Variants in PACRG observed in about 807,000 individuals in gnomAD.
PACRG encodes the protein parkin coregulated, also known as parkin coregulated gene protein.
Under a neutral mutation model 29.7 loss-of-function variants are expected in PACRG, and 29 were observed. That is an observed-to-expected ratio of 0.98 (90% confidence interval 0.73 to 1.33). The LOEUF (loss-of-function observed/expected upper bound fraction) is 1.33. PACRG is among the 40% of genes most tolerant of loss of function. The probability of loss-of-function intolerance (pLI) is 0.00; values close to 1 mark genes in which losing one functional copy is unlikely to be tolerated. For synonymous variants in PACRG, 116 were observed against 118.7 expected (o/e 0.98, Z 0.15); for missense variants, 279 against 316.2 (o/e 0.88, Z 0.89).
rs571635852 is a variant in PACRG, at chr6:162,816,438, C to T, written c.291+2157C>T. 9.7e-4 allele frequency among the ~76,000 whole-genome samples: 147 copies of T among 152,292 alleles called. 1 individual carries two copies. The highest frequency in any genetic ancestry group is 1.9e-3 in the Non-Finnish European group (129 of 68,028). On this transcript the variant is annotated intron_variant, in intron 2 of 4. Coordinates refer to ENST00000366888, the MANE Select transcript of PACRG (RefSeq NM_001080379.2). ...CACGATCTTGGCTCACTGCAACCTC[C>T]GCCTCCTGGGTTCACGCCATTCTCC...
chr6:163,250,442 G>A (rs949684477), intron 4 of PACRG, among the ~76,000 whole-genome samples: 2 of 152,184 alleles, frequency 1.3e-5, no homozygotes, highest in Non-Finnish European at 2.9e-5. Context: ...AGAAAGCATT[G>A]CATTTTACTA....
chr6:162,755,406 TTCCTCC>T (rs1045450316), intron 1 of PACRG, among the ~76,000 whole-genome samples: 1 of 151,952 alleles, frequency 6.6e-6, no homozygotes, highest in African/African-American at 2.4e-5. Context: ...CTTTTTCTTC[TTCCTCC>T]TCCTCCTCCT....
intron 1 of PACRG, among the ~76,000 whole-genome samples, chr6:162,756,825 G>A (rs1336237941): frequency 2.0e-5 from 3 of 151,936 alleles, no homozygotes; most frequent in Non-Finnish European, 4.4e-5. Context: ...TATTTGCTTC[G>A]TAGTCACCAT....
intron 2 of PACRG, among the ~76,000 whole-genome samples, chr6:162,940,113 A>G (rs1478151402): frequency 6.6e-6 from 1 of 152,206 alleles, no homozygotes; most frequent in Non-Finnish European, 1.5e-5. Flanking sequence ...TCATAAAGAA[A>G]CATCAAGAGC....
chr6:162,923,869 T>C lies in PACRG; in HGVS notation c.291+109588T>C, dbSNP rs917053696. 3.9e-5 allele frequency among the ~76,000 whole-genome samples: 6 copies of C among 152,054 alleles called. No individual in the cohort carries two copies. The South Asian group carries it at 1.2e-3, about 32-fold the overall frequency. On this transcript the variant is annotated intron_variant, in intron 2 of 4. Coordinates refer to ENST00000366888, the MANE Select transcript of PACRG (RefSeq NM_001080379.2). ...ATTACTTTTGGCTCTTAGGGGACTT[T>C]TTTGGTTCCATATAAATTTTATGAT...
At chr6:163,191,862 C>A in intron 4 of PACRG, 1 of 424,558 alleles carries the variant, frequency 2.4e-6, no homozygotes, top group South Asian at 1.7e-5. Context: ...AAAGCCACAC[C>A]CCGCCTGGTG....
At chr6:163,232,202 A>T (rs1475898342) in intron 4 of PACRG, among the ~76,000 whole-genome samples, 1 of 152,172 alleles carries the variant, frequency 6.6e-6, no homozygotes, top group Non-Finnish European at 1.5e-5. Flanking sequence ...AGGAATATTT[A>T]TGATGAAGAG....
At chr6:163,081,766 G>C (rs559888240) in intron 3 of PACRG, among the ~76,000 whole-genome samples, 3 of 152,056 alleles carry the variant, frequency 2.0e-5, no homozygotes, top group Non-Finnish European at 2.9e-5. Context: ...AGAAAAAAAA[G>C]TGGGGGGGAG....
intron 4 of PACRG, among the ~76,000 whole-genome samples, chr6:163,307,738 TA>T (rs1003215986): frequency 1.3e-5 from 2 of 152,086 alleles, no homozygotes; most frequent in Non-Finnish European, 2.9e-5. Context: ...ATAGCAAAGC[TA>T]AAAAAATAGA....
chr6:162,744,317 G>C (rs1780822538), intron 1 of PACRG, among the ~76,000 whole-genome samples: 1 of 152,104 alleles, frequency 6.6e-6, no homozygotes, highest in African/African-American at 2.4e-5. Context: ...ATTATTCCTG[G>C]CTGGGTGTGG....
chr6:162,967,262 C>T (rs1186047147), intron 2 of PACRG, among the ~76,000 whole-genome samples: 1 of 151,494 alleles, frequency 6.6e-6, no homozygotes, highest in African/African-American at 2.4e-5. Flanking sequence ...AAAAAAAAAC[C>T]TTTCAGGTAT....
At chr6:163,309,129 C>A (rs969601850) in intron 4 of PACRG, among the ~76,000 whole-genome samples, 2 of 152,216 alleles carry the variant, frequency 1.3e-5, no homozygotes, top group Non-Finnish European at 2.9e-5. Flanking sequence ...TTGATTCCGA[C>A]AAATGCTGGG....
chr6:163,141,778 G>T (rs1382315001), intron 4 of PACRG, among the ~76,000 whole-genome samples: 3 of 152,006 alleles, frequency 2.0e-5, no homozygotes, highest in Admixed American at 2.0e-4. Context: ...CAATATAGCA[G>T]AAACATGTAA....
intron 1 of PACRG, among the ~76,000 whole-genome samples, chr6:162,735,051 A>G (rs1780061338): frequency 6.6e-6 from 1 of 152,150 alleles, no homozygotes; most frequent in East Asian, 1.9e-4. Flanking sequence ...CACCCACATT[A>G]TTGCATACAA....
chr6:163,127,736 G>T (rs1816574478), intron 4 of PACRG, among the ~76,000 whole-genome samples: 1 of 152,188 alleles, frequency 6.6e-6, no homozygotes, highest in Admixed American at 6.5e-5. Context: ...TTATCGTAAA[G>T]TCTTGTCATT....
At chr6:163,309,257 C>T (rs1392740006) in intron 4 of PACRG, among the ~76,000 whole-genome samples, 8 of 152,316 alleles carry the variant, frequency 5.3e-5, no homozygotes, top group East Asian at 3.9e-4. Flanking sequence ...AGACCGATGG[C>T]GGTGCGGCTG....
At chr6:162,896,242 A>C (rs9356075) in intron 2 of PACRG, among the ~76,000 whole-genome samples, 136,215 of 152,282 alleles carry the variant, frequency 0.89, 61,084 homozygotes, top group African/African-American at 0.97. Flanking sequence ...CCCTGACTTC[A>C]CTCCAGCACA....
intron 1 of PACRG, among the ~76,000 whole-genome samples, chr6:162,765,907 T>C (rs1782749724): frequency 6.6e-6 from 1 of 152,160 alleles, no homozygotes; most frequent in Non-Finnish European, 1.5e-5. Flanking sequence ...GTGTTTCTTC[T>C]TTTTTCTTTT....
At position 162,747,381 on chromosome 6, in the gene PACRG, T is replaced by C. The variant is rs1562556711; in HGVS notation, c.156+18990T>C. On this transcript the variant is annotated intron_variant, in intron 1 of 4. Coordinates refer to ENST00000366888, the MANE Select transcript of PACRG (RefSeq NM_001080379.2). ...ATATATATACACATACATATATATG[T>C]ATATATATGTATATATATATGTATA... 2.0e-4 allele frequency among the ~76,000 whole-genome samples: 12 copies of C among 60,182 alleles called. 1 individual carries two copies. The highest frequency in any genetic ancestry group is 1.1e-3 in the South Asian group (1 of 912). The allele number at this position is 60,182 out of a possible 152,430, so 39.5% of individuals were successfully genotyped here. A position where few individuals can be genotyped will look rare whatever the true frequency, so the allele number is the denominator to read the frequency against.
Sources: allele counts gnomAD v4.1 joint callset (sites outside exome capture counted in the v4.1 genomes callset), GRCh38; gene constraint gnomAD v4.1.1; transcripts MANE v1.5; gene names NCBI Gene and HGNC (gene_info 2026-07-23, HGNC 2026-07-21).